Variants in DSCAM observed in about 807,000 individuals in gnomAD.
The protein encoded by DSCAM is DS cell adhesion molecule.
DSCAM carries 47 observed loss-of-function variants against 217.7 expected under a neutral mutation model. That is an observed-to-expected ratio of 0.22 (90% CI 0.17 to 0.28). The LOEUF (loss-of-function observed/expected upper bound fraction) is 0.28, where lower values mean the gene tolerates loss of function less well. DSCAM is among the 10% of genes least tolerant of loss of function. The pLI is 1.00. For missense variants in DSCAM, 2,080 were observed against 2,618.3 expected (o/e 0.79, Z 4.49); for synonymous variants, 1,056 against 1,015.3 (o/e 1.04, Z -0.76).
intron 3 of DSCAM, among the ~76,000 whole-genome samples, chr21:40,685,483 A>C (rs936988559): frequency 1.3e-5 from 2 of 152,202 alleles, no homozygotes; most frequent in African/African-American, 4.8e-5. Flanking sequence ...AACCTTGGCC[A>C]CTGAGTCTCC....
At chr21:40,223,501 A>G (rs1417994379) in intron 11 of DSCAM, among the ~76,000 whole-genome samples, 3 of 151,864 alleles carry the variant, frequency 2.0e-5, no homozygotes, top group Admixed American at 2.0e-4. Context: ...TTTTCTCAGA[A>G]CCAGAAGAGT....
chr21:40,175,518 T>C (rs965408071), intron 15 of DSCAM, among the ~76,000 whole-genome samples: 6 of 152,054 alleles, frequency 3.9e-5, no homozygotes, highest in Non-Finnish European at 8.8e-5. Flanking sequence ...GGTTCATAGA[T>C]AGTGCCTTCT....
At chr21:40,027,261 G>A (rs1264751910) in intron 32 of DSCAM, among the ~76,000 whole-genome samples, 2 of 152,300 alleles carry the variant, frequency 1.3e-5, no homozygotes, top group East Asian at 3.8e-4. Context: ...TAGTCTGATG[G>A]GCTTCCCTTT....
In DSCAM at chr21:40,600,323, GC is replaced by G. The variant is rs142833094; in HGVS notation, c.508+92486del. Among the ~76,000 whole-genome samples, 1,217 of 152,280 alleles carry G rather than the reference GC, an allele frequency of 8.0e-3. 14 individuals carry two copies. The highest frequency in any genetic ancestry group is 0.027 in the African/African-American group (1,130 of 41,544). ...CAGCAGATTTGCTGTCTTGTGTGGA[GC>G]TGCTTTCTGGTTCATAGATGGTGAT... On this transcript the variant is annotated intron_variant, in intron 3 of 32. Transcript: ENST00000400454.
chr21:40,392,697 G>C (rs1020635885), intron 3 of DSCAM, among the ~76,000 whole-genome samples: 9 of 152,192 alleles, frequency 5.9e-5, no homozygotes, highest in African/African-American at 1.7e-4. Context: ...TCCCAAACAC[G>C]AGCATTTCCC....
chr21:40,455,066 C>T (rs1307686009), intron 3 of DSCAM, among the ~76,000 whole-genome samples: 2 of 152,088 alleles, frequency 1.3e-5, no homozygotes, highest in African/African-American at 4.8e-5. Context: ...TTTCCCCGCT[C>T]CAAATAAACC....
intron 3 of DSCAM, among the ~76,000 whole-genome samples, chr21:40,521,269 A>ACT (rs1191243524): frequency 6.6e-5 from 10 of 152,164 alleles, no homozygotes; most frequent in African/African-American, 2.4e-4. Context: ...TTGGATGTAC[A>ACT]CTCAGGAGTG....
At chr21:40,604,445 T>C (rs1320324732) in intron 3 of DSCAM, among the ~76,000 whole-genome samples, 1 of 152,204 alleles carries the variant, frequency 6.6e-6, no homozygotes, top group Admixed American at 6.6e-5. Flanking sequence ...TGATGCTTAT[T>C]CTGTCTCTTC....
intron 20 of DSCAM, among the ~76,000 whole-genome samples, chr21:40,102,546 C>T (rs1436084742): frequency 1.3e-5 from 2 of 152,158 alleles, no homozygotes; most frequent in African/African-American, 4.8e-5. Flanking sequence ...TCATGGAAAG[C>T]CTGGGAACAG....
At position 40,113,736 on chromosome 21, in the gene DSCAM, G is replaced by A. The variant is rs1403459652; in HGVS notation, c.3696+10459C>T. Among the ~76,000 whole-genome samples, 5 of 152,216 alleles carry A rather than the reference G, an allele frequency of 3.3e-5. No homozygotes were observed. In the East Asian group the frequency reaches 9.7e-4, roughly 29 times the overall value. ...AAGTCTCAGGATACAAAATCAATGTGCAAAAATCACAAGCATTCTTATATA... is the reference window on the plus strand; with the variant it reads ...AAGTCTCAGGATACAAAATCAATGTACAAAAATCACAAGCATTCTTATATA... On this transcript the variant is annotated intron_variant, in intron 20 of 32. Coordinates refer to ENST00000400454, the MANE Select transcript of DSCAM (RefSeq NM_001389.5).
At chr21:40,594,300 C>T (rs901666876) in intron 3 of DSCAM, among the ~76,000 whole-genome samples, 6 of 152,184 alleles carry the variant, frequency 3.9e-5, no homozygotes, top group African/African-American at 7.2e-5. Flanking sequence ...TTCTGCAAAG[C>T]CATGAGTCCC....
chr21:40,792,104 T>C (rs1256602032), intron 1 of DSCAM, among the ~76,000 whole-genome samples: 1 of 151,342 alleles, frequency 6.6e-6, no homozygotes, highest in African/African-American at 2.4e-5. Context: ...CATCCCTCTT[T>C]GTGTCCCGGT....
At chr21:40,369,766 A>C (rs1050399288) in intron 3 of DSCAM, among the ~76,000 whole-genome samples, 6 of 152,178 alleles carry the variant, frequency 3.9e-5, no homozygotes, top group African/African-American at 7.2e-5. Context: ...ATATTCTACA[A>C]ACTTCCCCTA....
intron 30 of DSCAM, among the ~76,000 whole-genome samples, chr21:40,047,450 A>ATGAG (rs1274406075): frequency 6.6e-6 from 1 of 152,188 alleles, no homozygotes; most frequent in Non-Finnish European, 1.5e-5. Context: ...TCAGCAGCCC[A>ATGAG]TGAGTTGGAG....
intron 1 of DSCAM, among the ~76,000 whole-genome samples, chr21:40,711,747 A>C (rs1006003450): frequency 3.9e-5 from 6 of 152,210 alleles, no homozygotes; most frequent in African/African-American, 1.4e-4. Context: ...CCTCGTGTTA[A>C]GTTGCAACAA....
intron 3 of DSCAM, among the ~76,000 whole-genome samples, chr21:40,686,654 C>G (rs2090481854): frequency 6.6e-6 from 1 of 152,158 alleles, no homozygotes; most frequent in East Asian, 1.9e-4. Flanking sequence ...CAGTTTGCAG[C>G]TTTCAGAATG....
chr21:40,134,171 G>A (rs2090183857), intron 18 of DSCAM, among the ~76,000 whole-genome samples, 162 bp from the exon 19 acceptor site: 2 of 152,186 alleles, frequency 1.3e-5, no homozygotes, highest in Admixed American at 6.5e-5. Flanking sequence ...CATCCTGTGA[G>A]CTCATGGTGT....
intron 6 of DSCAM, among the ~76,000 whole-genome samples, chr21:40,343,985 C>T (rs1173545793): frequency 6.6e-6 from 1 of 151,884 alleles, no homozygotes; most frequent in African/African-American, 2.4e-5. Context: ...CTCACTGCAA[C>T]CTCCACCTCC....
At chr21:40,100,245 C>A (rs1249315756) in intron 20 of DSCAM, among the ~76,000 whole-genome samples, 1 of 152,044 alleles carries the variant, frequency 6.6e-6, no homozygotes, top group African/African-American at 2.4e-5. Context: ...AAAAAAAGAG[C>A]AAAATGGGAA....
Sources: allele counts gnomAD v4.1 joint callset (sites outside exome capture counted in the v4.1 genomes callset), GRCh38; gene constraint gnomAD v4.1.1; transcripts MANE v1.5; gene names NCBI Gene and HGNC (gene_info 2026-07-23, HGNC 2026-07-21).